Variants in GPHN observed in about 807,000 individuals in gnomAD.
GPHN encodes the protein gephyrin.
In GPHN, 17 loss-of-function variants were observed where a neutral mutation model predicts 95.5. That is an observed-to-expected ratio of 0.18 (90% CI 0.12 to 0.27). The LOEUF is 0.27. Ranked by LOEUF, GPHN falls within the 10% of genes least tolerant of loss-of-function variation. The pLI is 1.00. For missense variants in GPHN, 660 were observed against 978.1 expected (o/e 0.67, Z 4.34); for synonymous variants, 320 against 322.5 (o/e 0.99, Z 0.08).
At position 66,605,527 on chromosome 14, in the gene GPHN, AT is replaced by A. The variant is rs59245552; in HGVS notation, c.65-75560del. 2.3e-3 allele frequency among the ~76,000 whole-genome samples: 269 copies of A among 116,416 alleles called. 2 individuals carry two copies. The highest frequency in any genetic ancestry group is 0.01 in the East Asian group (41 of 4,016). 76.4% of individuals were successfully genotyped at this position (116,416 alleles called of 152,430 possible). A position where few individuals can be genotyped will look rare whatever the true frequency, so the allele number is the denominator to read the frequency against. On this transcript the variant is annotated intron_variant, in intron 1 of 22. Transcript: ENST00000478722. ...TGATAAGTGTCTATATCCTTTGCCG[AT>A]TTTTTTTTTTTTTTTTTTTGAGACG...
chr14:67,110,133 T>G lies in GPHN; in HGVS notation c.1294-7T>G. ...ACATCAACTGTCTTTTTCATCTTTA[T>G]TTCCAGCCAACTCAGACAGTAATGC... is the stretch of plus-strand genomic sequence containing the variant. On this transcript the variant is annotated splice_polypyrimidine_tract_variant and splice_region_variant and intron_variant, in intron 13 of 22. Coordinates refer to ENST00000478722, the MANE Select transcript of GPHN (RefSeq NM_020806.5). The G allele has an allele frequency of 6.2e-7, 1 of 1,613,190 alleles. No individual in the cohort carries two copies. The highest frequency in any genetic ancestry group is 8.5e-7 in the Non-Finnish European group (1 of 1,179,148).
At chr14:67,729,312 G>T in the GPHN span, 64 of 1,600,908 alleles carry the variant, frequency 4.0e-5, no homozygotes, top group African/African-American at 2.4e-4. Flanking sequence ...CGGCACGGGA[G>T]GGGGCGCAGA....
the GPHN span, chr14:67,589,617 C>T: frequency 2.0e-5 from 20 of 985,880 alleles, no homozygotes; most frequent in African/African-American, 7.0e-5. Context: ...TTGACAGACT[C>T]GTCTTTTGTA....
the GPHN span, chr14:67,573,401 GC>G: frequency 7.0e-7 from 1 of 1,425,680 alleles, no homozygotes; most frequent in Non-Finnish European, 9.9e-7. The surrounding 1 kb of genome is among the most constrained non-coding windows in gnomAD (Gnocchi z 4.8). Context: ...GAGTCTCCCC[GC>G]CCAGCACTGC....
At chr14:66,764,553 A>G (rs912291926) in intron 2 of GPHN, among the ~76,000 whole-genome samples, 1 of 151,792 alleles carries the variant, frequency 6.6e-6, no homozygotes, top group African/African-American at 2.4e-5. Context: ...ATTCTGATCT[A>G]GGTAAACTGA....
chr14:67,375,563 A>T, the GPHN span, among the ~76,000 whole-genome samples: 333 of 151,834 alleles, frequency 2.2e-3, 1 homozygote, highest in African/African-American at 7.7e-3. Flanking sequence ...AAGAGATTTT[A>T]AAAAATCTTG....
At chr14:67,498,363 T>A in the GPHN span, among the ~76,000 whole-genome samples, 1 of 152,122 alleles carries the variant, frequency 6.6e-6, no homozygotes, top group African/African-American at 2.4e-5. Context: ...TAATCTGAGT[T>A]TTGTGAGTTG....
chr14:67,387,734 G>C, the GPHN span, among the ~76,000 whole-genome samples: 1 of 152,170 alleles, frequency 6.6e-6, no homozygotes, highest in Non-Finnish European at 1.5e-5. Context: ...GCATGCCATA[G>C]ATCTACCATT....
At chr14:66,841,254 T>A (rs2062077420) in intron 4 of GPHN, among the ~76,000 whole-genome samples, 1 of 151,708 alleles carries the variant, frequency 6.6e-6, no homozygotes, top group Non-Finnish European at 1.5e-5. Context: ...GGAAAGAGGG[T>A]TATAATTTTA....
In GPHN at chr14:67,110,299, G is replaced by A. The variant is rs534123107; in HGVS notation, c.1413+40G>A. The A allele has an allele frequency of 8.0e-5, 129 of 1,608,634 alleles. No homozygotes were observed. The South Asian group carries it at 1.4e-3, about 17-fold the overall frequency. On this transcript the variant is annotated intron_variant, in intron 14 of 22. Transcript: ENST00000478722. ...AGTCTTACTGTGCTGTTGTTCCTAT[G>A]GCAGTATTATGTCACAACCATTTTC...
the GPHN span, among the ~76,000 whole-genome samples, chr14:67,439,140 G>T: frequency 2.5e-4 from 38 of 152,306 alleles, no homozygotes; most frequent in South Asian, 6.8e-3. Flanking sequence ...ATATTGTTTT[G>T]TGACTTCATT....
At chr14:67,134,043 T>G (rs1280306747) in intron 17 of GPHN, among the ~76,000 whole-genome samples, 2 of 152,232 alleles carry the variant, frequency 1.3e-5, no homozygotes, top group African/African-American at 4.8e-5. Flanking sequence ...TGCTTCAGTT[T>G]ATATGTGAAA....
chr14:67,161,440 G>C (rs1327659382), intron 19 of GPHN, among the ~76,000 whole-genome samples: 1 of 151,668 alleles, frequency 6.6e-6, no homozygotes, highest in Non-Finnish European at 1.5e-5. Context: ...TATCCCAAAA[G>C]CATATCAGTG....
chr14:67,595,300 A>C, the GPHN span, among the ~76,000 whole-genome samples: 1 of 152,100 alleles, frequency 6.6e-6, no homozygotes, highest in Non-Finnish European at 1.5e-5. Context: ...TGGGTACTTG[A>C]AGTACCGTTC....
At chr14:67,697,610 A>G in the GPHN span, among the ~76,000 whole-genome samples, 2 of 152,164 alleles carry the variant, frequency 1.3e-5, no homozygotes, top group Admixed American at 6.5e-5. Context: ...TATTTTACAG[A>G]CAAGAAAACT....
intron 2 of GPHN, among the ~76,000 whole-genome samples, chr14:66,721,973 GA>G (rs1230735967): frequency 1.7e-4 from 25 of 143,824 alleles, no homozygotes; most frequent in Non-Finnish European, 2.3e-4. Context: ...AAAAAAAAAG[GA>G]AAAAAAAGAA....
At chr14:67,255,367 C>T in the GPHN span, among the ~76,000 whole-genome samples, 1 of 152,136 alleles carries the variant, frequency 6.6e-6, no homozygotes, top group Non-Finnish European at 1.5e-5. Flanking sequence ...TAATCAGAAT[C>T]ATGAACCTGA....
the GPHN span, chr14:67,587,288 T>A: frequency 6.3e-7 from 1 of 1,598,824 alleles, no homozygotes; most frequent in African/African-American, 1.3e-5. Flanking sequence ...GATTTAGAGA[T>A]ATATATCCTA....
chr14:66,531,190 C>T (rs894402829), intron 1 of GPHN, among the ~76,000 whole-genome samples: 54 of 152,238 alleles, frequency 3.5e-4, no homozygotes, highest in African/African-American at 1.2e-3. Context: ...AGGTGATCCA[C>T]CCGCCTTAGC....
Sources: allele counts gnomAD v4.1 joint callset (sites outside exome capture counted in the v4.1 genomes callset), GRCh38; gene constraint gnomAD v4.1.1; non-coding constraint Gnocchi (gnomAD v3.1); transcripts MANE v1.5; gene names NCBI Gene and HGNC (gene_info 2026-07-23, HGNC 2026-07-21).